The following RABL6 variants were observed in gnomAD, a reference collection of about 807,000 sequenced individuals.
The protein encoded by RABL6 is RAB, member RAS oncogene family like 6, also known as rab-like protein 6.
RABL6 carries 28 observed loss-of-function variants against 72.9 expected under a neutral mutation model. That is an observed-to-expected ratio of 0.38 (90% CI 0.28 to 0.53). RABL6 has a LOEUF of 0.53. Among genes scored for constraint, RABL6 ranks in the 20% least tolerant of loss-of-function variants. The pLI, the probability that RABL6 is intolerant of heterozygous loss-of-function variation, is 0.80. For synonymous variants in RABL6, 477 were observed against 421.2 expected (o/e 1.13, Z -1.62); for missense variants, 1,029 against 1,008.4 (o/e 1.02, Z -0.28).
Position 136,839,823 on chromosome 9 carries a change from C to T in RABL6, c.1888C>T (p.Leu630=). Residue 630 remains leucine, a synonymous_variant, in exon 13 of 15, where the codon CTG becomes TTG. Coordinates refer to ENST00000311502, the MANE Select transcript of RABL6 (RefSeq NM_024718.5). ...GAAGAATGACTCGGACCTCTTCGGGCTGGGGCTGGAGGAGGCCGGACCCAA... is the reference window on the plus strand; with the variant it reads ...GAAGAATGACTCGGACCTCTTCGGGTTGGGGCTGGAGGAGGCCGGACCCAA... ...RLKNDSDLFG[L]GLEEAGPKES... The T allele has an allele frequency of 6.2e-7, 1 of 1,612,746 alleles. No individual in the cohort carries two copies. The highest frequency in any genetic ancestry group is 8.5e-7 in the Non-Finnish European group (1 of 1,179,822).
intron 1 of RABL6, chr9:136,809,930 C>CT (rs905531750): frequency 1.3e-5 from 2 of 153,298 alleles, no homozygotes; most frequent in Non-Finnish European, 2.9e-5. Flanking sequence ...GAGTGGAAGC[C>CT]TGGGGGCTCG....
Position 136,840,151 on chromosome 9 carries a change from C to T in RABL6, c.1931-3C>T, listed in dbSNP as rs200315202. ...TGAGCCACTGTCTGTCCTGTCTGTG[C>T]AGGTAAGGAGGGCAAAACCCCCTCT... On this transcript the variant is annotated splice_region_variant and splice_polypyrimidine_tract_variant and intron_variant, in intron 13 of 14. Coordinates refer to ENST00000311502, the MANE Select transcript of RABL6 (RefSeq NM_024718.5). 17 of 1,612,744 alleles carry T rather than the reference C, an allele frequency of 1.1e-5. No individual in the cohort carries two copies. Among genetic ancestry groups the T allele is most frequent in the African/African-American group, 1.3e-5 (1 of 74,808 alleles).
chr9:136,821,944 G>C, intron 1 of RABL6: 1 of 1,288,922 alleles, frequency 7.8e-7, no homozygotes, highest in Non-Finnish European at 1.0e-6. Context: ...TTGCCGCAGC[G>C]CTGGCCGGCG....
intron 1 of RABL6, among the ~76,000 whole-genome samples, chr9:136,823,058 G>A (rs1175746587): frequency 3.3e-5 from 5 of 149,330 alleles, no homozygotes; most frequent in African/African-American, 5.0e-5. Flanking sequence ...ACTGCAGTAC[G>A]GCCTGGGCAA....
In RABL6 at chr9:136,808,237, C is replaced by G. The variant is rs1847910884; in HGVS notation, c.41C>G (p.Ala14Gly). The G allele has an allele frequency of 6.4e-7, 1 of 1,562,408 alleles. No homozygotes were observed. Among genetic ancestry groups the G allele is most frequent in the African/African-American group, 1.4e-5 (1 of 70,968 alleles). Residue 14 changes from alanine (A) to glycine (G), a missense_variant, in exon 1 of 15, where the codon GCC (alanine) becomes GGC (glycine). Physicochemically the swap from Ala to Gly is moderately conservative, Grantham distance 60. Around this residue, in one of 2 missense-constraint regions of RABL6, gnomAD observed 434 missense variants for 536.1 expected, o/e 0.81. Transcript: ENST00000311502. ...AAGAAGCTGGTGGGGTCGGACCAGG[C>G]CCCGGGCCGGGACAAGAACATCCCC... ...ALKKLVGSDQ[A>G]PGRDKNIPAG...
chr9:136,825,687 G>A (rs1848340072), intron 2 of RABL6, 92 bp from the exon 3 acceptor site: 3 of 1,395,374 alleles, frequency 2.1e-6, no homozygotes, highest in Admixed American at 1.7e-5. Context: ...GCCGGTGGCT[G>A]CGGGGCACAG....
chr9:136,830,099 G>C (rs977113307), intron 5 of RABL6, among the ~76,000 whole-genome samples: 5 of 152,228 alleles, frequency 3.3e-5, no homozygotes, highest in African/African-American at 9.6e-5. Flanking sequence ...CCAGTGTCCT[G>C]GTGCAGGGCC....
At chr9:136,839,890 T>C in intron 13 of RABL6, 25 bp downstream of exon 13, 1 of 1,603,234 alleles carries the variant, frequency 6.2e-7, no homozygotes, top group Non-Finnish European at 8.5e-7. Flanking sequence ...CAGAGTGCGG[T>C]CAGCCTGCTG....
At chr9:136,831,641 C>G in intron 5 of RABL6, 80 bp from the exon 6 acceptor site, 2 of 1,580,916 alleles carry the variant, frequency 1.3e-6, no homozygotes, top group Non-Finnish European at 1.7e-6. Context: ...ATCCTCGGGC[C>G]TGGGCGCACA....
rs1026404521 is a variant in RABL6, at chr9:136,825,914, C to A, written c.313+88C>A. The A allele has an allele frequency of 2.8e-6, 4 of 1,432,128 alleles. No individual in the cohort carries two copies. In the South Asian group the frequency reaches 4.6e-5, roughly 17 times the overall value. The allele number at this position is 1,432,128 out of a possible 1,614,324, so 88.7% of individuals were successfully genotyped here. On this transcript the variant is annotated intron_variant, in intron 3 of 14. Transcript: ENST00000311502. ...TCCTTTCTTTCCCCCGGCGCCCATG[C>A]ATCACCCACCATCCTCGTGGACGGT...
chr9:136,837,473 A>G lies in RABL6; in HGVS notation c.937A>G (p.Ser313Gly). The G allele has an allele frequency of 6.4e-7, 1 of 1,553,664 alleles. No individual in the cohort carries two copies. Among genetic ancestry groups the G allele is most frequent in the Non-Finnish European group, 8.7e-7 (1 of 1,152,702 alleles). ...AGGCGCTGTGTCCACGGGGAGCTCC[A>G]GCCCCGGCACACCCCAGCCCGCCCC... Reference protein sequence around the residue: ...PAGAVSTGSSSPGTPQPAPQL... With the variant: ...PAGAVSTGSSGPGTPQPAPQL... Residue 313 changes from serine (S) to glycine (G), a missense_variant, in exon 9 of 15, where the codon AGC becomes GGC. By Grantham distance (56) the Ser-to-Gly change is moderately conservative. Coordinates refer to ENST00000311502, the MANE Select transcript of RABL6 (RefSeq NM_024718.5).
chr9:136,827,292 G>C (rs1411090304), intron 3 of RABL6: 1 of 152,408 alleles, frequency 6.6e-6, no homozygotes, highest in Non-Finnish European at 1.5e-5. Flanking sequence ...ATTGGAGGGG[G>C]TTGAGGTCTC....
At chr9:136,834,736 C>A (rs957239204) in intron 7 of RABL6, among the ~76,000 whole-genome samples, 5 of 152,094 alleles carry the variant, frequency 3.3e-5, no homozygotes, top group African/African-American at 4.8e-5. Flanking sequence ...CTTGGCCCCC[C>A]CAAAGTGCTG....
chr9:136,808,807 G>A (rs1271459714), intron 1 of RABL6: 2 of 151,230 alleles, frequency 1.3e-5, no homozygotes, highest in Non-Finnish European at 2.9e-5. Flanking sequence ...TGAGTTTGAA[G>A]ACAGAATATT....
At chr9:136,831,603 T>G in intron 5 of RABL6, 118 bp from the exon 6 acceptor site, 1 of 1,428,844 alleles carries the variant, frequency 7.0e-7, no homozygotes, top group Middle Eastern at 2.0e-4. Context: ...TCTGCTGGGT[T>G]GGATGTTGGA....
chr9:136,837,299 G>T, intron 8 of RABL6, 47 bp from the exon 9 acceptor site: 1 of 1,540,756 alleles, frequency 6.5e-7, no homozygotes, highest in Non-Finnish European at 8.8e-7. Context: ...GAGGGCCTCA[G>T]GGAGAGGCAG....
intron 1 of RABL6, among the ~76,000 whole-genome samples, chr9:136,822,713 A>G (rs561384788): frequency 1.3e-5 from 2 of 152,280 alleles, no homozygotes; most frequent in South Asian, 4.1e-4. Context: ...CCCCGGAGCA[A>G]GCAGGCCCAG....
chr9:136,830,572 C>T (rs578016073), intron 5 of RABL6, among the ~76,000 whole-genome samples: 22 of 152,396 alleles, frequency 1.4e-4, no homozygotes, highest in South Asian at 2.1e-4. Flanking sequence ...CCTCTCCCTC[C>T]GGCCTCTCCT....
In RABL6 at chr9:136,817,645, C is replaced by T. The variant is rs538571763; in HGVS notation, c.131-5880C>T. On this transcript the variant is annotated intron_variant, in intron 1 of 14. Transcript: ENST00000311502. ...CTCTGTCTGATGAGCACTTGAGAGC[C>T]GTGTGACTGGCTCCACTTCTGCCGA... Among the ~76,000 whole-genome samples the T allele has an allele frequency of 2.7e-5, 4 of 146,634 alleles. No homozygotes were observed. In the East Asian group the frequency reaches 8.3e-4, roughly 30 times the overall value.
Sources: allele counts gnomAD v4.1 joint callset (sites outside exome capture counted in the v4.1 genomes callset), GRCh38; gene constraint gnomAD v4.1.1; regional missense constraint gnomAD v4.1.1; transcripts MANE v1.5; gene names NCBI Gene and HGNC (gene_info 2026-07-23, HGNC 2026-07-21).